METTL16: variants seen among roughly 807,000 people sequenced by gnomAD.
METTL16 encodes methyltransferase 16, RNA N6-adenosine.
A neutral mutation model predicts 57.9 loss-of-function variants in METTL16; 19 were observed. The ratio of observed to expected loss-of-function variants is 0.33; its 90% CI spans 0.23 to 0.48. The LOEUF (loss-of-function observed/expected upper bound fraction) is 0.48, where lower values mean the gene tolerates loss of function less well. Ranked by LOEUF, METTL16 falls within the 20% of genes least tolerant of loss-of-function variation. The pLI, the probability that METTL16 is intolerant of heterozygous loss-of-function variation, is 0.99. For missense variants in METTL16, 434 were observed against 691.5 expected (o/e 0.63, Z 4.18); for synonymous variants, 246 against 255.6 (o/e 0.96, Z 0.36).
At chr17:2,507,999 C>T (rs2067559970) in intron 1 of METTL16, among the ~76,000 whole-genome samples, 1 of 152,130 alleles carries the variant, frequency 6.6e-6, no homozygotes, top group South Asian at 2.1e-4. Context: ...CGGAAGGCCG[C>T]AGGGTTCTCT....
At chr17:2,493,242 C>T (rs1013224612) in intron 2 of METTL16, among the ~76,000 whole-genome samples, 1 of 151,110 alleles carries the variant, frequency 6.6e-6, no homozygotes, top group African/African-American at 2.4e-5. Flanking sequence ...GTGCGTGCCA[C>T]CACGCCCGGC....
chr17:2,478,669 G>A (rs2067283572), intron 2 of METTL16, among the ~76,000 whole-genome samples: 1 of 152,126 alleles, frequency 6.6e-6, no homozygotes, highest in African/African-American at 2.4e-5. Context: ...TTAGCCTGAG[G>A]CAACCATTGA....
intron 2 of METTL16, among the ~76,000 whole-genome samples, chr17:2,491,265 T>C (rs1337841075): frequency 1.3e-5 from 2 of 152,204 alleles, no homozygotes; most frequent in Non-Finnish European, 2.9e-5. Flanking sequence ...GTTTAACACA[T>C]TCAGCTTCCC....
intron 8 of METTL16, among the ~76,000 whole-genome samples, chr17:2,422,351 C>A (rs1054996280): frequency 1.3e-3 from 185 of 138,956 alleles, no homozygotes; most frequent in African/African-American, 4.7e-3. Context: ...AAAAAAAAAA[C>A]AAAACCAATG....
chr17:2,440,970 C>G (rs369055161), intron 7 of METTL16, among the ~76,000 whole-genome samples: 1 of 34,042 alleles, frequency 2.9e-5, no homozygotes, highest in Non-Finnish European at 7.7e-5. Context: ...GACTTGATCT[C>G]AAAAAAAAAA....
intron 2 of METTL16, among the ~76,000 whole-genome samples, chr17:2,499,648 G>A (rs2067473148): frequency 6.6e-6 from 1 of 152,088 alleles, no homozygotes; most frequent in African/African-American, 2.4e-5. Context: ...AATACCTGAA[G>A]TCCTATTTAA....
chr17:2,507,343 C>G (rs1472856153), intron 1 of METTL16, among the ~76,000 whole-genome samples: 6 of 144,468 alleles, frequency 4.2e-5, no homozygotes, highest in Non-Finnish European at 6.1e-5. Flanking sequence ...GTCAGCCCCC[C>G]ACCCAGCCAG....
chr17:2,502,010 A>G (rs1339647800), intron 2 of METTL16, among the ~76,000 whole-genome samples, 194 bp downstream of exon 2: 3 of 152,180 alleles, frequency 2.0e-5, no homozygotes, highest in African/African-American at 7.2e-5. Flanking sequence ...CCAGAAGGAA[A>G]CTTAAAAGCA....
In METTL16 at chr17:2,504,536, G is replaced by A. The variant is rs143883664; in HGVS notation, c.1-2205C>T. ...CTATAACCAAGGATATTAGTTAGAGGTTAGTTGTGTTTTGTTTTGTCTTGT... is the reference window on the plus strand; with the variant it reads ...CTATAACCAAGGATATTAGTTAGAGATTAGTTGTGTTTTGTTTTGTCTTGT... On this transcript the variant is annotated intron_variant, in intron 1 of 9. Transcript: ENST00000263092. Among the ~76,000 whole-genome samples the A allele has an allele frequency of 2.0e-5, 3 of 152,026 alleles. No individual in the cohort carries two copies. In the South Asian group the frequency reaches 6.2e-4, roughly 32 times the overall value.
At chr17:2,490,189 T>C (rs1567903542) in intron 2 of METTL16, among the ~76,000 whole-genome samples, 1 of 152,200 alleles carries the variant, frequency 6.6e-6, no homozygotes, top group Non-Finnish European at 1.5e-5. Context: ...GGAGACTTCC[T>C]TCACCTCACA....
intron 2 of METTL16, among the ~76,000 whole-genome samples, chr17:2,489,293 G>T (rs1597466987): frequency 6.6e-6 from 1 of 151,928 alleles, no homozygotes; most frequent in Admixed American, 6.6e-5. Context: ...TAACTAAAGA[G>T]CAACTAACAG....
chr17:2,508,123 T>TAAA (rs66655664), intron 1 of METTL16, among the ~76,000 whole-genome samples: 1 of 144,304 alleles, frequency 6.9e-6, no homozygotes, highest in Non-Finnish European at 1.5e-5. Context: ...GAATGATCAA[T>TAAA]AAAAAAAAAA....
chr17:2,422,616 C>T (rs2066775054), intron 8 of METTL16, among the ~76,000 whole-genome samples: 1 of 151,988 alleles, frequency 6.6e-6, no homozygotes, highest in African/African-American at 2.4e-5. Flanking sequence ...GTGATCCACC[C>T]ACCTCGGCCT....
chr17:2,460,934 T>C (rs961031639), intron 6 of METTL16, among the ~76,000 whole-genome samples: 5 of 152,042 alleles, frequency 3.3e-5, no homozygotes, highest in Non-Finnish European at 2.9e-5. Flanking sequence ...ATGACTTGGT[T>C]AACTCTTTTC....
chr17:2,438,711 C>A (rs1372064850), intron 7 of METTL16, among the ~76,000 whole-genome samples: 2 of 152,158 alleles, frequency 1.3e-5, no homozygotes, highest in African/African-American at 4.8e-5. Flanking sequence ...CATCACTGGT[C>A]TCAAACTCCT....
intron 6 of METTL16, among the ~76,000 whole-genome samples, chr17:2,442,716 T>C (rs1006035006): frequency 6.6e-6 from 1 of 152,102 alleles, no homozygotes; most frequent in Non-Finnish European, 1.5e-5. Context: ...TATTAAAGGG[T>C]GTGAAGAGGT....
chr17:2,468,689 T>C (rs1259992011), intron 4 of METTL16, among the ~76,000 whole-genome samples: 1 of 152,110 alleles, frequency 6.6e-6, no homozygotes, highest in Non-Finnish European at 1.5e-5. Context: ...CAGATTAACC[T>C]GGGCAATACA....
chr17:2,502,137 GCTTT>G (rs2040961308), intron 2 of METTL16, 63 bp downstream of exon 2: 6 of 1,519,598 alleles, frequency 3.9e-6, no homozygotes, highest in Admixed American at 1.8e-5. Flanking sequence ...ACTCAGGTGG[GCTTT>G]CTATTACATC....
intron 8 of METTL16, among the ~76,000 whole-genome samples, chr17:2,428,313 G>A (rs2066834898): frequency 6.6e-6 from 1 of 151,406 alleles, no homozygotes; most frequent in Non-Finnish European, 1.5e-5. Context: ...CAGAAAGCAA[G>A]GAAGCCACCA....
Sources: allele counts gnomAD v4.1 joint callset (sites outside exome capture counted in the v4.1 genomes callset), GRCh38; gene constraint gnomAD v4.1.1; transcripts MANE v1.5; gene names NCBI Gene and HGNC (gene_info 2026-07-23, HGNC 2026-07-21).